MDGA2: variants seen among roughly 807,000 people sequenced by gnomAD.
MDGA2 encodes the protein MAM domain-containing glycosylphosphatidylinositol anchor protein 2.
A neutral mutation model predicts 117.8 loss-of-function variants in MDGA2; 40 were observed. The observed-to-expected ratio is 0.34, with a 90% CI of 0.26 to 0.44. The LOEUF is 0.44. MDGA2 is among the 20% of genes least tolerant of loss of function. MDGA2 has a pLI of 1.00. For synonymous variants in MDGA2, 452 were observed against 439.0 expected (o/e 1.03, Z -0.37); for missense variants, 1,123 against 1,250.6 (o/e 0.90, Z 1.54).
At chr14:47,378,516 G>A (rs1206630244) in intron 1 of MDGA2, among the ~76,000 whole-genome samples, 1 of 152,178 alleles carries the variant, frequency 6.6e-6, no homozygotes, top group Non-Finnish European at 1.5e-5. Context: ...ATAGAGAAGA[G>A]CTTAAATGAC....
chr14:47,666,969 C>T (rs1178068578), intron 1 of MDGA2, among the ~76,000 whole-genome samples: 1 of 152,116 alleles, frequency 6.6e-6, no homozygotes, highest in Non-Finnish European at 1.5e-5. Context: ...CACAAACCCA[C>T]TAGAAGGAAA....
At chr14:46,842,071 C>T in intron 16 of MDGA2, 52 bp from the exon 17 acceptor site, 1 of 1,204,430 alleles carries the variant, frequency 8.3e-7, no homozygotes, top group Non-Finnish European at 1.2e-6. Flanking sequence ...AATAAGCATT[C>T]CACGTAGCTA....
chr14:46,959,153 A>C (rs1197585797), intron 8 of MDGA2, among the ~76,000 whole-genome samples: 2 of 152,002 alleles, frequency 1.3e-5, no homozygotes, highest in African/African-American at 4.8e-5. Flanking sequence ...AGGTTATGCT[A>C]TTAAGTATAT....
At chr14:47,538,638 A>G (rs1895272983) in intron 1 of MDGA2, among the ~76,000 whole-genome samples, 1 of 152,006 alleles carries the variant, frequency 6.6e-6, no homozygotes, top group African/African-American at 2.4e-5. Context: ...TATTACATTT[A>G]CTCTGTCACT....
chr14:46,845,735 C>T (rs1388568), intron 16 of MDGA2, 31 bp downstream of exon 16: 588,019 of 1,406,584 alleles, frequency 0.42, 128,331 homozygotes, highest in Admixed American at 0.68. Flanking sequence ...TTTAACGTTA[C>T]AACAAACCAA....
chr14:47,256,103 T>C (rs1594756239), intron 2 of MDGA2, among the ~76,000 whole-genome samples: 1 of 151,770 alleles, frequency 6.6e-6, no homozygotes, highest in Non-Finnish European at 1.5e-5. Flanking sequence ...ATTTCTTTTT[T>C]TTTTTTTTTC....
chr14:47,520,062 C>T (rs1465742091), intron 1 of MDGA2, among the ~76,000 whole-genome samples: 1 of 152,184 alleles, frequency 6.6e-6, no homozygotes. Flanking sequence ...CATGTCTATA[C>T]ACCTGGCTTA....
intron 3 of MDGA2, chr14:47,201,217 C>T (rs1885495702): frequency 1.9e-6 from 1 of 526,288 alleles, no homozygotes; most frequent in Non-Finnish European, 3.5e-6. Context: ...TAACCCCTCT[C>T]TCTTACATGA....
At chr14:47,244,154 T>A (rs1476334139) in intron 2 of MDGA2, among the ~76,000 whole-genome samples, 2 of 151,826 alleles carry the variant, frequency 1.3e-5, no homozygotes, top group African/African-American at 4.8e-5. Flanking sequence ...GTTAGCACAG[T>A]GCCTGACATG....
chr14:47,658,646 C>A (rs1023181041), intron 1 of MDGA2, among the ~76,000 whole-genome samples: 14 of 152,090 alleles, frequency 9.2e-5, no homozygotes, highest in African/African-American at 3.4e-4. Context: ...GTGTAACATT[C>A]AGAACTCCTT....
chr14:47,226,216 CATAAATAAATAAATAAATAA>C (rs201861877), intron 2 of MDGA2, among the ~76,000 whole-genome samples: 10 of 142,910 alleles, frequency 7.0e-5, no homozygotes, highest in Admixed American at 7.0e-5. Context: ...ACTGTCTCAC[CATAAATAAATAAATAAATAA>C]ATAAATAAAT....
intron 2 of MDGA2, among the ~76,000 whole-genome samples, chr14:47,263,267 G>T (rs1405177915): frequency 6.6e-6 from 1 of 152,008 alleles, no homozygotes; most frequent in Non-Finnish European, 1.5e-5. Flanking sequence ...AGTTAGGCAC[G>T]TGGATTCAAA....
intron 1 of MDGA2, among the ~76,000 whole-genome samples, chr14:47,430,736 C>G (rs1053540228): frequency 6.6e-6 from 1 of 152,020 alleles, no homozygotes; most frequent in African/African-American, 2.4e-5. Context: ...AATTGAAAGT[C>G]TTATTCATTC....
chr14:47,055,002 C>CT (rs10640408), intron 7 of MDGA2, among the ~76,000 whole-genome samples: 50,762 of 125,456 alleles, frequency 0.4, 11,341 homozygotes, highest in East Asian at 0.53. Context: ...TTTTTCTTTT[C>CT]TTTTTTTTTT....
intron 3 of MDGA2, among the ~76,000 whole-genome samples, chr14:47,202,710 G>C (rs1566678812): frequency 6.6e-6 from 1 of 152,176 alleles, no homozygotes; most frequent in Non-Finnish European, 1.5e-5. Flanking sequence ...ATGAGGTTCA[G>C]ACAGTGAAAA....
Position 46,957,503 on chromosome 14 carries a change from T to C in MDGA2, c.1960A>G (p.Thr654Ala). 6.2e-7 allele frequency: 1 copy of C among 1,614,094 alleles called. No homozygotes were observed. The highest frequency in any genetic ancestry group is 8.5e-7 in the Non-Finnish European group (1 of 1,180,004). Reference protein sequence around the residue: ...EWRLGNKLLRTGQFDSQEYTE... With the variant: ...EWRLGNKLLRAGQFDSQEYTE... ...TATTCCTGAGAGTCAAATTGACCCG[T>C]CCGTAATAATTTATTGCCCAAGCGC... The change falls in exon 9 of 17, where the codon ACG (threonine) becomes GCG (alanine). Residue 654 changes from threonine to alanine, a missense_variant. Thr to Ala is a moderately conservative substitution (Grantham distance 58). Around this residue, in one of 2 missense-constraint regions of MDGA2, gnomAD observed 890 missense variants for 1,050.3 expected, o/e 0.85. Coordinates refer to ENST00000399232, the MANE Select transcript of MDGA2 (RefSeq NM_001113498.3).
chr14:46,960,750 A>G (rs910377144), intron 8 of MDGA2, among the ~76,000 whole-genome samples: 1 of 148,208 alleles, frequency 6.7e-6, no homozygotes, highest in African/African-American at 2.5e-5. Flanking sequence ...ATATGTGTAT[A>G]TGCACACATA....
intron 1 of MDGA2, among the ~76,000 whole-genome samples, chr14:47,427,769 T>C (rs1364239699): frequency 6.6e-6 from 1 of 152,142 alleles, no homozygotes; most frequent in Admixed American, 6.6e-5. Context: ...TCTTAGAAAG[T>C]GCCAATGAAC....
chr14:47,222,235 T>C (rs1353418466), intron 2 of MDGA2, among the ~76,000 whole-genome samples: 1 of 152,042 alleles, frequency 6.6e-6, no homozygotes, highest in Non-Finnish European at 1.5e-5. Context: ...AAGGCATGGA[T>C]AAAGTTGTAA....
Sources: gnomAD v4.1 joint callset for allele counts (sites outside exome capture counted in the v4.1 genomes callset) on GRCh38, gnomAD v4.1.1 for gene constraint, gnomAD v4.1.1 regional missense constraint, MANE v1.5 for transcripts, NCBI Gene and HGNC (gene_info 2026-07-23, HGNC 2026-07-21) for gene names.